Variants in ZNF732 observed in about 807,000 individuals in gnomAD.
ZNF732 encodes the protein zinc finger protein 732.
Under a neutral mutation model 11.5 loss-of-function variants are expected in ZNF732, and 12 were observed. The observed-to-expected ratio is 1.05, with a 90% CI of 0.67 to 1.70. The LOEUF (loss-of-function observed/expected upper bound fraction) is 1.70. ZNF732 is among the 40% of genes most tolerant of loss of function. The pLI, the probability that ZNF732 is intolerant of heterozygous loss-of-function variation, is 0.00. For missense variants in ZNF732, 702 were observed against 676.9 expected (o/e 1.04, Z -0.41); for synonymous variants, 231 against 236.5 (o/e 0.98, Z 0.21).
intron 1 of ZNF732, among the ~76,000 whole-genome samples, chr4:299,614 TATAA>T (rs1553843314): frequency 3.5e-5 from 5 of 142,682 alleles, no homozygotes; most frequent in African/African-American, 1.3e-4. Context: ...ATTATTTATA[TATAA>T]ATAATATATT....
intron 3 of ZNF732, among the ~76,000 whole-genome samples, chr4:286,627 G>A (rs1719737751): frequency 6.6e-6 from 1 of 152,144 alleles, no homozygotes. Flanking sequence ...ACTGTGACAG[G>A]GGTTAACTGC....
chr4:271,062 T>C lies in ZNF732; in HGVS notation c.*37A>G, dbSNP rs1267563321. On this transcript the variant is annotated 3_prime_UTR_variant, in exon 4 of 4. Coordinates refer to ENST00000419098, the MANE Select transcript of ZNF732 (RefSeq NM_001137608.3). ...ATTTTCTTATGTTCATTCAGGTTTGTGGATCATCCAAAGGCTTTGCCACAT... is the reference window on the plus strand; with the variant it reads ...ATTTTCTTATGTTCATTCAGGTTTGCGGATCATCCAAAGGCTTTGCCACAT... 7.0e-7 allele frequency: 1 copy of C among 1,433,638 alleles called. No homozygotes were observed. The highest frequency in any genetic ancestry group is 2.4e-5 in the East Asian group (1 of 41,548). 88.8% of individuals were successfully genotyped at this position (1,433,638 alleles called of 1,614,324 possible).
rs782168045 is a variant in ZNF732 at position 271,510 on chromosome 4, T to C, written c.1347A>G (p.Glu449=). 5.0e-6 allele frequency: 8 copies of C among 1,611,524 alleles called. No homozygotes were observed. The South Asian group carries it at 5.5e-5, about 11-fold the overall frequency. The change falls in exon 4 of 4, where the codon GAA becomes GAG. Residue 449 remains glutamate, a synonymous_variant. Coordinates refer to ENST00000419098, the MANE Select transcript of ZNF732 (RefSeq NM_001137608.3). The stretch of plus-strand genomic sequence containing the variant: ...ACCATCCAAAGGCTTTGCCACACTC[T>C]TCACATTTGTAAGGTTTCTCTCCAG... ...IHTGEKPYKC[E]ECGKAFGWSA...
At position 299,463 on chromosome 4, in the gene ZNF732, A is replaced by G. The variant is rs552967028; in HGVS notation, c.4-3308T>C. ...TATATATATATATACACATATGTGT[A>G]TATATATATACACATATATACACAT... On this transcript the variant is annotated intron_variant, in intron 1 of 3. Transcript: ENST00000419098. Among the ~76,000 whole-genome samples the G allele has an allele frequency of 8.6e-4, 52 of 60,142 alleles. 2 individuals are homozygous for G. The highest frequency in any genetic ancestry group is 1.7e-3 in the African/African-American group (21 of 12,668). 39.5% of individuals were successfully genotyped at this position (60,142 alleles called of 152,430 possible). A position where few individuals can be genotyped will look rare whatever the true frequency, so the allele number is the denominator to read the frequency against.
chr4:272,406 TAA>T lies in ZNF732; in HGVS notation c.449_450del (p.Phe150Ter). ...CGTTGGTTTGAATTTGAAAATGTAC[TAA>T]ATACTTTGACATGTACATTACACTG... ...IFQCNVHVKV[F>X]STFSNSNQRR... On this transcript the variant is annotated frameshift_variant, in exon 4 of 4. Coordinates refer to ENST00000419098, the MANE Select transcript of ZNF732 (RefSeq NM_001137608.3). LOFTEE classifies it low-confidence loss of function (END_TRUNC). The T allele has an allele frequency of 1.3e-6, 2 of 1,596,440 alleles. No homozygotes were observed. The highest frequency in any genetic ancestry group is 1.7e-6 in the Non-Finnish European group (2 of 1,170,190).
At chr4:276,912 T>A (rs1043099238) in intron 3 of ZNF732, among the ~76,000 whole-genome samples, 43 of 151,248 alleles carry the variant, frequency 2.8e-4, no homozygotes, top group African/African-American at 9.5e-4. Flanking sequence ...CTCCAAAATA[T>A]ACTATAAAGC....
At chr4:279,793 T>C (rs1307108192) in intron 3 of ZNF732, among the ~76,000 whole-genome samples, 1 of 152,178 alleles carries the variant, frequency 6.6e-6, no homozygotes, top group African/African-American at 2.4e-5. Flanking sequence ...CAGAATAACA[T>C]ATACTCAAAC....
At chr4:293,509 T>C (rs1175978176) in intron 3 of ZNF732, among the ~76,000 whole-genome samples, 3 of 151,910 alleles carry the variant, frequency 2.0e-5, no homozygotes, top group Non-Finnish European at 2.9e-5. Context: ...GAAAGTAGAA[T>C]GGTGGTTGTT....
intron 1 of ZNF732, among the ~76,000 whole-genome samples, chr4:300,511 T>G (rs992116023): frequency 7.2e-6 from 1 of 138,846 alleles, no homozygotes; most frequent in Non-Finnish European, 1.6e-5. Flanking sequence ...TTTGTGGCAA[T>G]AGCACACAAT....
intron 3 of ZNF732, among the ~76,000 whole-genome samples, chr4:274,327 T>C (rs554990055): frequency 6.6e-6 from 1 of 151,704 alleles, no homozygotes; most frequent in South Asian, 2.1e-4. Context: ...AAATATATTA[T>C]TTTAACTTAA....
chr4:302,573 C>T (rs1720139637), intron 1 of ZNF732, among the ~76,000 whole-genome samples: 1 of 152,156 alleles, frequency 6.6e-6, no homozygotes, highest in South Asian at 2.1e-4. Context: ...GGCTAGGTAC[C>T]TGCTGAAGGC....
At chr4:296,409 C>A (rs1719953457) in intron 1 of ZNF732, among the ~76,000 whole-genome samples, 1 of 152,004 alleles carries the variant, frequency 6.6e-6, no homozygotes, top group Non-Finnish European at 1.5e-5. Flanking sequence ...GCCCTGTGAC[C>A]TCCTGGAAAA....
At chr4:293,298 A>ATATATATG (rs1553841676) in intron 3 of ZNF732, among the ~76,000 whole-genome samples, 2 of 143,158 alleles carry the variant, frequency 1.4e-5, no homozygotes, top group African/African-American at 5.3e-5. Flanking sequence ...ATATATATAT[A>ATATATATG]TGTGTGTGTG....
intron 3 of ZNF732, among the ~76,000 whole-genome samples, chr4:295,070 T>C (rs532561962): frequency 2.6e-5 from 4 of 151,082 alleles, no homozygotes; most frequent in Admixed American, 2.0e-4. Context: ...CCGTGCACAT[T>C]TTAGACATGT....
rs577414794 is a variant in ZNF732, at chr4:304,418, T to A, written c.3+890A>T. ...CCAGGCATCTTTCTCCAGCCCAGGC[T>A]CAGCCATGTCTTTCTTCTGACAGAA... is the stretch of plus-strand genomic sequence containing the variant. On this transcript the variant is annotated intron_variant, in intron 1 of 3. Transcript: ENST00000419098. Among the ~76,000 whole-genome samples, 85 of 152,138 alleles carry A rather than the reference T, an allele frequency of 5.6e-4. 1 individual carries two copies. Among genetic ancestry groups the A allele is most frequent in the African/African-American group, 1.9e-3 (78 of 41,488 alleles).
At chr4:299,442 T>TATATACAC (rs1720048124) in intron 1 of ZNF732, among the ~76,000 whole-genome samples, 2 of 36,778 alleles carry the variant, frequency 5.4e-5, no homozygotes, top group Non-Finnish European at 1.0e-4. Context: ...TGTGTATATA[T>TATATACAC]ATATATATAC....
chr4:290,859 A>AG (rs1553841262), intron 3 of ZNF732, among the ~76,000 whole-genome samples: 1 of 152,216 alleles, frequency 6.6e-6, no homozygotes, highest in African/African-American at 2.4e-5. Context: ...GCAAACCCAG[A>AG]GGTAGTCTCA....
intron 3 of ZNF732, among the ~76,000 whole-genome samples, chr4:292,053 C>A (rs1719850657): frequency 6.6e-6 from 1 of 152,014 alleles, no homozygotes; most frequent in African/African-American, 2.4e-5. Context: ...ACACCATACC[C>A]CAAAATTAAC....
chr4:299,376 T>TATACAC (rs1560164999), intron 1 of ZNF732, among the ~76,000 whole-genome samples: 25 of 63,602 alleles, frequency 3.9e-4, no homozygotes, highest in African/African-American at 1.1e-3. Context: ...TATGTGTATA[T>TATACAC]ATATATACAC....
Sources: allele counts gnomAD v4.1 joint callset (sites outside exome capture counted in the v4.1 genomes callset), GRCh38; gene constraint gnomAD v4.1.1; transcripts MANE v1.5; gene names NCBI Gene and HGNC (gene_info 2026-07-23, HGNC 2026-07-21).